The following ABCC4 variants were observed in gnomAD, a reference collection of about 807,000 sequenced individuals.
The protein encoded by ABCC4 is ATP binding cassette subfamily C member 4 (PEL blood group).
ABCC4 carries 102 observed loss-of-function variants against 168.5 expected under a neutral mutation model. The ratio of observed to expected loss-of-function variants is 0.61; its 90% CI spans 0.52 to 0.71. The LOEUF (loss-of-function observed/expected upper bound fraction) is 0.71, where lower values mean the gene tolerates loss of function less well. Ranked by LOEUF, ABCC4 falls within the 30% of genes least tolerant of loss-of-function variation. ABCC4 has a pLI of 0.00. For synonymous variants in ABCC4, 617 were observed against 590.7 expected (o/e 1.04, Z -0.65); for missense variants, 1,402 against 1,605.8 (o/e 0.87, Z 2.17).
chr13:95,139,555 G>A (rs4148511), intron 19 of ABCC4, among the ~76,000 whole-genome samples: 5,761 of 152,242 alleles, frequency 0.038, 281 homozygotes, highest in East Asian at 0.22. Flanking sequence ...CAATGGGGCC[G>A]TGAGTGCTCA....
intron 21 of ABCC4, among the ~76,000 whole-genome samples, chr13:95,079,293 A>C (rs2034011109): frequency 6.6e-6 from 1 of 152,132 alleles, no homozygotes; most frequent in Admixed American, 6.5e-5. Context: ...TTTAGGATAC[A>C]CTCTACAGAG....
intron 25 of ABCC4, among the ~76,000 whole-genome samples, chr13:95,064,269 T>C (rs1378324558): frequency 7.6e-4 from 3 of 3,936 alleles, no homozygotes; most frequent in Non-Finnish European, 7.0e-4. Flanking sequence ...TGTATATATA[T>C]ATATATATAT....
At chr13:95,077,364 G>T (rs991635635) in intron 21 of ABCC4, among the ~76,000 whole-genome samples, 1 of 151,850 alleles carries the variant, frequency 6.6e-6, no homozygotes, top group Non-Finnish European at 1.5e-5. Context: ...TCTGAGACAG[G>T]GTCTCACTCT....
At chr13:95,206,859 T>G in intron 7 of ABCC4, 78 bp from the exon 8 acceptor site, 2 of 1,502,702 alleles carry the variant, frequency 1.3e-6, no homozygotes, top group Non-Finnish European at 9.1e-7. Flanking sequence ...TCTCAGCACT[T>G]TGGGAGCTGA....
At chr13:95,279,742 CA>C (rs1454265081) in intron 1 of ABCC4, among the ~76,000 whole-genome samples, 2 of 152,048 alleles carry the variant, frequency 1.3e-5, no homozygotes, top group African/African-American at 2.4e-5. Flanking sequence ...TTGCTGACCC[CA>C]GTGGGTAGAA....
intron 20 of ABCC4, among the ~76,000 whole-genome samples, chr13:95,087,352 T>C (rs1002796802): frequency 6.6e-5 from 10 of 152,140 alleles, no homozygotes; most frequent in Admixed American, 5.2e-4. Context: ...ACCCCGTCTC[T>C]ACTAAAAACA....
chr13:95,246,693 A>C (rs1173051795), intron 3 of ABCC4, among the ~76,000 whole-genome samples: 1 of 152,236 alleles, frequency 6.6e-6, no homozygotes, highest in Non-Finnish European at 1.5e-5. Context: ...ACCATAGAAT[A>C]AAATACTCTT....
At chr13:95,093,954 T>G (rs1388491755) in intron 20 of ABCC4, among the ~76,000 whole-genome samples, 1 of 152,008 alleles carries the variant, frequency 6.6e-6, no homozygotes. Flanking sequence ...ATAAAATACT[T>G]AGGAATATAC....
intron 8 of ABCC4, among the ~76,000 whole-genome samples, chr13:95,203,609 C>T (rs1050363468): frequency 6.6e-6 from 1 of 151,952 alleles, no homozygotes; most frequent in East Asian, 1.9e-4. Context: ...CCGCTCACCT[C>T]GGCCTCCCAA....
chr13:95,068,959 C>T (rs1452315417), intron 25 of ABCC4, among the ~76,000 whole-genome samples: 1 of 152,234 alleles, frequency 6.6e-6, no homozygotes, highest in East Asian at 1.9e-4. Flanking sequence ...ATGCTGCCTG[C>T]AGAGTGGTCT....
chr13:95,101,374 G>T (rs546939188), intron 20 of ABCC4, among the ~76,000 whole-genome samples: 32 of 150,894 alleles, frequency 2.1e-4, no homozygotes, highest in African/African-American at 7.8e-4. Context: ...TTTTTTAGAT[G>T]AGGGGTGTGT....
At chr13:95,173,018 C>G (rs2037532780) in intron 13 of ABCC4, among the ~76,000 whole-genome samples, 1 of 152,158 alleles carries the variant, frequency 6.6e-6, no homozygotes, top group Non-Finnish European at 1.5e-5. Flanking sequence ...GACGAAGTAC[C>G]AGGGACTACT....
At chr13:95,028,002 C>T (rs537545980) in intron 30 of ABCC4, among the ~76,000 whole-genome samples, 5 of 152,174 alleles carry the variant, frequency 3.3e-5, no homozygotes, top group South Asian at 2.1e-4. Flanking sequence ...AGTAAAAGCA[C>T]GCGACCCAGT....
chr13:95,298,324 T>G (rs1026475457), intron 1 of ABCC4, among the ~76,000 whole-genome samples: 2 of 151,868 alleles, frequency 1.3e-5, no homozygotes, highest in Admixed American at 1.3e-4. Context: ...TAAAGAAATT[T>G]TAACAATTAA....
At chr13:95,138,218 T>C (rs1045714556) in intron 19 of ABCC4, among the ~76,000 whole-genome samples, 5 of 152,234 alleles carry the variant, frequency 3.3e-5, no homozygotes, top group Non-Finnish European at 7.3e-5. Context: ...TATGAAATAT[T>C]GGTCATTATT....
chr13:95,192,229 T>C (rs1008467137), intron 9 of ABCC4, among the ~76,000 whole-genome samples: 1 of 152,186 alleles, frequency 6.6e-6, no homozygotes, highest in African/African-American at 2.4e-5. Context: ...CTGGGGTCTC[T>C]GTCTTTCTCC....
At chr13:95,176,171 G>A (rs1323826240) in intron 13 of ABCC4, among the ~76,000 whole-genome samples, 1 of 143,276 alleles carries the variant, frequency 7.0e-6, no homozygotes, top group Non-Finnish European at 1.5e-5. Flanking sequence ...ATTGTCGTAT[G>A]CCAGGTGTAG....
chr13:95,083,286 A>G lies in ABCC4; in HGVS notation c.2540T>C (p.Leu847Ser). ...AGAGACCACACCAACCACTTGTAGC[A>G]ATGTCTGAAATAGCAGAAGTAGATG... ...PLTFLDFIQT[L>S]LQVVGVVSVA... is the part of the protein sequence containing the mutation. Residue 847 changes from leucine to serine, a missense_variant, in exon 21 of 31, where the codon TTG becomes TCG. Transcript: ENST00000645237. 1 of 1,612,416 alleles carries G rather than the reference A, an allele frequency of 6.2e-7. No individual in the cohort carries two copies. Among genetic ancestry groups the G allele is most frequent in the South Asian group, 1.1e-5 (1 of 90,892 alleles).
intron 8 of ABCC4, among the ~76,000 whole-genome samples, chr13:95,205,879 G>A (rs1398322174): frequency 6.6e-6 from 1 of 152,194 alleles, no homozygotes; most frequent in Non-Finnish European, 1.5e-5. Flanking sequence ...GGGAAGCAGA[G>A]AGTGGTCCTT....
Sources: allele counts gnomAD v4.1 joint callset (sites outside exome capture counted in the v4.1 genomes callset), GRCh38; gene constraint gnomAD v4.1.1; transcripts MANE v1.5; gene names NCBI Gene and HGNC (gene_info 2026-07-23, HGNC 2026-07-21).